DEPDC5: variants seen among roughly 807,000 people sequenced by gnomAD.
The protein encoded by DEPDC5 is GATOR1 complex protein DEPDC5.
Under a neutral mutation model 217.3 loss-of-function variants are expected in DEPDC5, and 73 were observed. The observed-to-expected ratio is 0.34, with a 90% CI of 0.28 to 0.41. DEPDC5 has a LOEUF of 0.41. DEPDC5 is among the 10% of genes least tolerant of loss of function. The pLI is 1.00. For synonymous variants in DEPDC5, 733 were observed against 756.7 expected (o/e 0.97, Z 0.51); for missense variants, 1,675 against 2,070.1 (o/e 0.81, Z 3.70).
chr22:31,854,421 CTG>C (rs2051724707), intron 31 of DEPDC5, among the ~76,000 whole-genome samples: 1 of 152,230 alleles, frequency 6.6e-6, no homozygotes, highest in Non-Finnish European at 1.5e-5. Context: ...GAAAGAGAGA[CTG>C]TGGTGTCAGT....
chr22:31,845,348 C>G (rs2091666483), intron 30 of DEPDC5, 111 bp downstream of exon 30: 1 of 1,344,652 alleles, frequency 7.4e-7, no homozygotes, highest in African/African-American at 1.5e-5. Flanking sequence ...CTCAGCTGCC[C>G]AGTGTTTACC....
intron 8 of DEPDC5, among the ~76,000 whole-genome samples, chr22:31,783,485 A>AC (rs995588136): frequency 3.3e-5 from 5 of 151,662 alleles, no homozygotes; most frequent in South Asian, 2.1e-4. Flanking sequence ...ACGTAGGGAG[A>AC]CCCCCTCTCT....
intron 33 of DEPDC5, among the ~76,000 whole-genome samples, chr22:31,868,699 T>C (rs2092755218): frequency 6.6e-6 from 1 of 152,176 alleles, no homozygotes; most frequent in South Asian, 2.1e-4. Context: ...AGTGCCAAGA[T>C]TACAGGCGTG....
intron 24 of DEPDC5, among the ~76,000 whole-genome samples, chr22:31,831,857 CACAA>C (rs536560698): frequency 1.6e-3 from 240 of 152,282 alleles, no homozygotes; most frequent in Admixed American, 2.2e-3. Flanking sequence ...GTTGTATACC[CACAA>C]ACAAACACAT....
intron 34 of DEPDC5, chr22:31,873,054 C>T: frequency 9.5e-7 from 1 of 1,057,314 alleles, no homozygotes; most frequent in East Asian, 3.3e-5. Flanking sequence ...CAAACCCGGC[C>T]CTAAATGTGT....
chr22:31,814,242 G>A (rs1348139134), intron 20 of DEPDC5: 1 of 151,818 alleles, frequency 6.6e-6, no homozygotes, highest in African/African-American at 2.4e-5. Flanking sequence ...TATTTATTTA[G>A]TGTCACCCAG....
chr22:31,847,580 C>G (rs1247111237), intron 31 of DEPDC5, among the ~76,000 whole-genome samples: 1 of 152,066 alleles, frequency 6.6e-6, no homozygotes, highest in Non-Finnish European at 1.5e-5. Flanking sequence ...GGGGAAAAGC[C>G]CCTTATAAAA....
At chr22:31,823,356 C>A (rs1025284354) in intron 24 of DEPDC5, among the ~76,000 whole-genome samples, 1 of 151,538 alleles carries the variant, frequency 6.6e-6, no homozygotes, top group Non-Finnish European at 1.5e-5. Context: ...ATGGTAAAAC[C>A]CCCATCTCTA....
At chr22:31,818,288 A>G (rs114252055) in intron 21 of DEPDC5, among the ~76,000 whole-genome samples, 2,614 of 152,160 alleles carry the variant, frequency 0.017, 71 homozygotes, top group African/African-American at 0.061. Context: ...TTTTTTTAGC[A>G]TAATAACATT....
chr22:31,903,653 C>T (rs1461350341), intron 41 of DEPDC5, among the ~76,000 whole-genome samples: 1 of 7,274 alleles, frequency 1.4e-4, no homozygotes, highest in African/African-American at 4.5e-4. Flanking sequence ...ACACCTAAAG[C>T]CCCCCACCTT....
chr22:31,901,920 G>A (rs1307808455), intron 41 of DEPDC5, 118 bp downstream of exon 41: 1 of 905,300 alleles, frequency 1.1e-6, no homozygotes, highest in African/African-American at 1.7e-5. Context: ...TTCCACCAAT[G>A]GCAAATTCAC....
At chr22:31,868,675 C>T (rs2092754097) in intron 33 of DEPDC5, among the ~76,000 whole-genome samples, 1 of 152,186 alleles carries the variant, frequency 6.6e-6, no homozygotes. Flanking sequence ...GATCCACTCG[C>T]CTTCGCCTCC....
At chr22:31,866,154 CA>C (rs2092682740) in intron 33 of DEPDC5, among the ~76,000 whole-genome samples, 1 of 152,158 alleles carries the variant, frequency 6.6e-6, no homozygotes, top group Non-Finnish European at 1.5e-5. Flanking sequence ...GCATCTCTAA[CA>C]GGGTTCCCTC....
chr22:31,851,799 T>C (rs1370134455), intron 31 of DEPDC5, among the ~76,000 whole-genome samples: 6 of 152,140 alleles, frequency 3.9e-5, no homozygotes, highest in Admixed American at 3.9e-4. Flanking sequence ...ACGTGAGGTA[T>C]GGTGGGGACA....
At chr22:31,893,314 G>A (rs952039309) in intron 38 of DEPDC5, among the ~76,000 whole-genome samples, 1 of 152,166 alleles carries the variant, frequency 6.6e-6, no homozygotes, top group Admixed American at 6.5e-5. Flanking sequence ...CCTTCATTAT[G>A]TAACGTTTGT....
At chr22:31,800,058 C>T (rs1182892572) in intron 14 of DEPDC5, among the ~76,000 whole-genome samples, 2 of 152,050 alleles carry the variant, frequency 1.3e-5, no homozygotes, top group African/African-American at 4.8e-5. Flanking sequence ...ACCTTGGCCT[C>T]CCAAAGTGCT....
chr22:31,806,235 C>T (rs747543375), intron 18 of DEPDC5, 44 bp downstream of exon 18: 1 of 1,548,696 alleles, frequency 6.5e-7, no homozygotes, highest in Non-Finnish European at 8.9e-7. Flanking sequence ...TTATGTGGTC[C>T]AGTCTTATCT....
At chr22:31,817,389 C>G in intron 21 of DEPDC5, 1 of 394,520 alleles carries the variant, frequency 2.5e-6, no homozygotes, top group South Asian at 2.1e-5. Context: ...GGATTACGGG[C>G]GTGAGCCACC....
At chr22:31,773,456 G>A (rs998494723) in intron 7 of DEPDC5, among the ~76,000 whole-genome samples, 5 of 152,130 alleles carry the variant, frequency 3.3e-5, no homozygotes, top group Admixed American at 3.3e-4. Flanking sequence ...TCTTGGCTCA[G>A]CCCCCTAGAG....
Sources: allele counts gnomAD v4.1 joint callset (sites outside exome capture counted in the v4.1 genomes callset), GRCh38; gene constraint gnomAD v4.1.1; transcripts MANE v1.5; gene names NCBI Gene and HGNC (gene_info 2026-07-23, HGNC 2026-07-21).